Variants in PTPRD observed in about 807,000 individuals in gnomAD.
PTPRD encodes the protein receptor-type tyrosine-protein phosphatase delta.
A neutral mutation model predicts 214.5 loss-of-function variants in PTPRD; 34 were observed. The ratio of observed to expected loss-of-function variants is 0.16; its 90% CI spans 0.12 to 0.21. PTPRD has a LOEUF of 0.21. PTPRD is among the 10% of genes least tolerant of loss of function. The pLI, the probability that PTPRD is intolerant of heterozygous loss-of-function variation, is 1.00. For missense variants in PTPRD, 2,545 were observed against 2,398.7 expected (o/e 1.06, Z -1.27); for synonymous variants, 1,128 against 845.7 (o/e 1.33, Z -5.79).
chr9:9,298,258 T>A (rs1203629942), intron 9 of PTPRD, among the ~76,000 whole-genome samples: 9 of 151,794 alleles, frequency 5.9e-5, no homozygotes, highest in Non-Finnish European at 1.2e-4. Context: ...TTTTATCTTT[T>A]ATTTTTTTTG....
At chr9:10,402,099 G>C (rs1009805629) in intron 2 of PTPRD, among the ~76,000 whole-genome samples, 1 of 151,536 alleles carries the variant, frequency 6.6e-6, no homozygotes, top group African/African-American at 2.4e-5. Context: ...AAAAGAAAAA[G>C]GGTATAAAAT....
At chr9:9,038,288 C>T (rs976685949) in intron 10 of PTPRD, among the ~76,000 whole-genome samples, 1 of 152,126 alleles carries the variant, frequency 6.6e-6, no homozygotes, top group Non-Finnish European at 1.5e-5. Context: ...CAGCTGGGAC[C>T]TACCACAGGA....
At chr9:9,398,747 G>C (rs2068918177) in intron 8 of PTPRD, among the ~76,000 whole-genome samples, 1 of 151,722 alleles carries the variant, frequency 6.6e-6, no homozygotes. Context: ...TCCCCCCACA[G>C]GGTTAAATTT....
At chr9:10,155,166 A>G (rs1351973300) in intron 3 of PTPRD, among the ~76,000 whole-genome samples, 1 of 151,924 alleles carries the variant, frequency 6.6e-6, no homozygotes, top group Non-Finnish European at 1.5e-5. Flanking sequence ...TTTCACCTAC[A>G]TGGTTAGCTG....
intron 3 of PTPRD, among the ~76,000 whole-genome samples, chr9:10,170,195 C>T (rs910047342): frequency 6.6e-6 from 1 of 152,128 alleles, no homozygotes; most frequent in Non-Finnish European, 1.5e-5. Context: ...AGAATCTGAT[C>T]CTGAGCTGCT....
chr9:8,331,560 T>TTATTCACAAATGGAAACTTACCTGC lies in PTPRD; in HGVS notation c.5531_5534+21dup, dbSNP rs761580734. 19 of 913,222 alleles carry TTATTCACAAATGGAAACTTACCTGC rather than the reference T, an allele frequency of 2.1e-5. 1 individual carries two copies. In the South Asian group the frequency reaches 3.7e-4, roughly 18 times the overall value. The allele number at this position is 913,222 out of a possible 1,614,324, so 56.6% of individuals were successfully genotyped here. A position where few individuals can be genotyped will look rare whatever the true frequency, so the allele number is the denominator to read the frequency against. On this transcript the variant is annotated intron_variant, in intron 44 of 45. Transcript: ENST00000381196. ...AGAAACACCACCACTTATCACTGCT[T>TTATTCACAAATGGAAACTTACCTGC]TATTCACAAATGGAAACTTACCTGC... is the stretch of plus-strand genomic sequence containing the variant.
At chr9:9,432,549 T>C (rs1328970858) in intron 8 of PTPRD, among the ~76,000 whole-genome samples, 1 of 152,204 alleles carries the variant, frequency 6.6e-6, no homozygotes, top group Non-Finnish European at 1.5e-5. Flanking sequence ...GTTTTTTAAT[T>C]TACTTTGCAG....
chr9:10,601,059 C>T (rs949278256), intron 2 of PTPRD, among the ~76,000 whole-genome samples: 4 of 151,642 alleles, frequency 2.6e-5, no homozygotes, highest in African/African-American at 9.7e-5. Flanking sequence ...AGGTAGTTTG[C>T]AATTTAGGTA....
intron 9 of PTPRD, among the ~76,000 whole-genome samples, chr9:9,313,285 T>C (rs992107662): frequency 1.3e-5 from 2 of 152,142 alleles, no homozygotes; most frequent in Non-Finnish European, 2.9e-5. Context: ...TGTTGAAATA[T>C]GTATAGATGA....
chr9:9,451,673 C>T (rs2092220526), intron 8 of PTPRD, among the ~76,000 whole-genome samples: 1 of 151,200 alleles, frequency 6.6e-6, no homozygotes, highest in Non-Finnish European at 1.5e-5. Context: ...AATTAACAAC[C>T]AAACAAAAGG....
intron 8 of PTPRD, among the ~76,000 whole-genome samples, chr9:9,512,981 T>C (rs1305500778): frequency 1.3e-5 from 2 of 151,954 alleles, no homozygotes; most frequent in Non-Finnish European, 2.9e-5. Context: ...AATTCATTTC[T>C]TCCTTTTAGC....
At chr9:10,513,538 T>C (rs2048996687) in intron 2 of PTPRD, among the ~76,000 whole-genome samples, 1 of 152,158 alleles carries the variant, frequency 6.6e-6, no homozygotes, top group Non-Finnish European at 1.5e-5. Context: ...GATAAGTTAG[T>C]CATTAGAGCT....
chr9:10,387,698 C>T (rs2097947948), intron 2 of PTPRD, among the ~76,000 whole-genome samples: 1 of 151,032 alleles, frequency 6.6e-6, no homozygotes, highest in Non-Finnish European at 1.5e-5. Context: ...ATGAAAGCTT[C>T]AAGAGGACTC....
Position 10,252,099 on chromosome 9 carries a change from T to C in PTPRD, c.-545+88864A>G, listed in dbSNP as rs543053062. 2.3e-3 allele frequency among the ~76,000 whole-genome samples: 356 copies of C among 152,310 alleles called. 2 individuals carry two copies. In the Middle Eastern group the frequency reaches 0.031, roughly 13 times the overall value. On this transcript the variant is annotated intron_variant, in intron 3 of 45. Transcript: ENST00000381196. ...CAAACATCATTTTGTACCCCACAGA[T>C]ATATACAATTACTATTTGTCAATTA...
chr9:8,600,290 T>TCCCA (rs2154276117), intron 14 of PTPRD, among the ~76,000 whole-genome samples: 1 of 152,178 alleles, frequency 6.6e-6, no homozygotes, highest in Non-Finnish European at 1.5e-5. Flanking sequence ...CATCACAGGC[T>TCCCA]GAAGCACTCT....
intron 9 of PTPRD, among the ~76,000 whole-genome samples, chr9:9,243,360 T>C (rs2099971349): frequency 6.6e-6 from 1 of 152,034 alleles, no homozygotes; most frequent in African/African-American, 2.4e-5. Context: ...TAGACTAATA[T>C]CCCTGATGAA....
chr9:8,332,269 T>C (rs1278496655), intron 43 of PTPRD, among the ~76,000 whole-genome samples: 1 of 152,038 alleles, frequency 6.6e-6, no homozygotes, highest in Non-Finnish European at 1.5e-5. Flanking sequence ...CGTTGTCAAA[T>C]GACAAATGGT....
intron 8 of PTPRD, among the ~76,000 whole-genome samples, chr9:9,435,507 C>T (rs991118349): frequency 6.6e-6 from 1 of 152,076 alleles, no homozygotes; most frequent in African/African-American, 2.4e-5. Flanking sequence ...CAGAGCAAGA[C>T]CCTGCCTTTT....
intron 4 of PTPRD, among the ~76,000 whole-genome samples, chr9:9,967,042 T>C (rs547222617): frequency 9.2e-5 from 14 of 152,246 alleles, no homozygotes; most frequent in Admixed American, 5.2e-4. Flanking sequence ...GGATCTGACC[T>C]TAGGCAGCAT....
Sources: allele counts gnomAD v4.1 joint callset (sites outside exome capture counted in the v4.1 genomes callset), GRCh38; gene constraint gnomAD v4.1.1; transcripts MANE v1.5; gene names NCBI Gene and HGNC (gene_info 2026-07-23, HGNC 2026-07-21).